Variants in APMAP observed in about 807,000 individuals in gnomAD.
The protein encoded by APMAP is adipocyte plasma membrane-associated protein.
A neutral mutation model predicts 43.6 loss-of-function variants in APMAP; 33 were observed. That is an observed-to-expected ratio of 0.76 (90% CI 0.57 to 1.01). The LOEUF (loss-of-function observed/expected upper bound fraction) is 1.01, where lower values mean the gene tolerates loss of function less well. APMAP is among the 50% of genes least tolerant of loss of function. The pLI is 0.00. For missense variants in APMAP, 498 were observed against 540.7 expected (o/e 0.92, Z 0.78); for synonymous variants, 224 against 216.7 (o/e 1.03, Z -0.30).
At chr20:24,973,797 G>T in intron 3 of APMAP, 60 bp from the exon 4 acceptor site, 3 of 1,461,506 alleles carry the variant, frequency 2.1e-6, no homozygotes, top group Non-Finnish European at 2.9e-6. Context: ...TGACTAAGCC[G>T]CCTTCTCCTA....
rs200600578 is a variant in APMAP, at chr20:24,967,776, CCT to C, written c.1041+1114_1041+1115del. ...AGCTGGTCTGGCAGCCTCCAAAACC[CCT>C]GTGCTAGCCCACCTGCCATTTTGCC... On this transcript the variant is annotated intron_variant, in intron 8 of 8. Coordinates refer to ENST00000217456, the MANE Select transcript of APMAP (RefSeq NM_020531.3). 7.8e-3 allele frequency among the ~76,000 whole-genome samples: 1,185 copies of C among 152,346 alleles called. 6 individuals carry two copies. The highest frequency in any genetic ancestry group is 0.034 in the Middle Eastern group (10 of 294).
chr20:24,972,814 T>C (rs2088017434), intron 4 of APMAP, among the ~76,000 whole-genome samples: 1 of 150,504 alleles, frequency 6.6e-6, no homozygotes, highest in African/African-American at 2.5e-5. Flanking sequence ...CTCCAGGTGC[T>C]ATTGTAGGTG....
chr20:24,978,728 A>G, intron 3 of APMAP, 39 bp downstream of exon 3: 1 of 829,972 alleles, frequency 1.2e-6, no homozygotes, highest in Non-Finnish European at 1.9e-6. Context: ...GACAACAGAC[A>G]GCCTGGAAGG....
intron 4 of APMAP, 81 bp downstream of exon 4, chr20:24,973,564 G>C (rs2088023929): frequency 7.3e-7 from 1 of 1,364,714 alleles, no homozygotes; most frequent in Non-Finnish European, 1.0e-6. Flanking sequence ...AGGCATTCTA[G>C]GGAAAAGCAG....
intron 4 of APMAP, 26 bp from the exon 5 acceptor site, chr20:24,971,602 G>C (rs1235430879): frequency 1.3e-6 from 2 of 1,583,800 alleles, no homozygotes; most frequent in Non-Finnish European, 1.7e-6. Flanking sequence ...GATGGGGATT[G>C]GTAGCTGGTC....
intron 1 of APMAP, among the ~76,000 whole-genome samples, chr20:24,992,007 TG>T (rs1316913595): frequency 6.6e-6 from 1 of 152,222 alleles, no homozygotes; most frequent in Admixed American, 6.5e-5. Flanking sequence ...ATGTCACTAC[TG>T]TTCTCCACTC....
At position 24,968,838 on chromosome 20, in the gene APMAP, T is replaced by A. The variant is rs114128002; in HGVS notation, c.1041+54A>T. 2,293 of 1,510,020 alleles carry A rather than the reference T, an allele frequency of 1.5e-3. 33 individuals carry two copies. In the African/African-American group the frequency reaches 0.029, roughly 19 times the overall value. 93.5% of individuals were successfully genotyped at this position (1,510,020 alleles called of 1,614,324 possible). ...TTTTAAGCTATAAGGGTCAAAAAAA[T>A]ATGATTCAATTCATTTCCATTTTCT... On this transcript the variant is annotated intron_variant, in intron 8 of 8. Transcript: ENST00000217456.
intron 3 of APMAP, among the ~76,000 whole-genome samples, 154 bp from the exon 4 acceptor site, chr20:24,973,891 A>T (rs2088027720): frequency 1.3e-5 from 2 of 152,250 alleles, no homozygotes; most frequent in African/African-American, 4.8e-5. Flanking sequence ...TTCTGGGAAT[A>T]TGAAAAATCC....
intron 7 of APMAP, 34 bp from the exon 8 acceptor site, chr20:24,969,118 AG>A (rs1337973807): frequency 1.3e-6 from 2 of 1,533,428 alleles, no homozygotes; most frequent in African/African-American, 2.8e-5. Context: ...AGTGAACCAT[AG>A]CCCCTCAATT....
chr20:24,989,254 C>A (rs1175055951), intron 1 of APMAP, among the ~76,000 whole-genome samples: 3 of 152,144 alleles, frequency 2.0e-5, no homozygotes, highest in Non-Finnish European at 4.4e-5. Flanking sequence ...AGTTTGTTTG[C>A]CCCAATCTCT....
intron 8 of APMAP, among the ~76,000 whole-genome samples, chr20:24,967,669 C>G (rs2087957695): frequency 6.6e-6 from 1 of 152,274 alleles, no homozygotes; most frequent in African/African-American, 2.4e-5. Flanking sequence ...TTCCCAGCAC[C>G]TGATGAGGCA....
intron 5 of APMAP, among the ~76,000 whole-genome samples, chr20:24,970,948 G>A (rs2122492747): frequency 6.6e-6 from 1 of 152,220 alleles, no homozygotes; most frequent in African/African-American, 2.4e-5. Context: ...CCTATGTTCG[G>A]GCCCCCACGC....
intron 1 of APMAP, among the ~76,000 whole-genome samples, chr20:24,986,462 T>G (rs1470703011): frequency 6.6e-6 from 1 of 152,204 alleles, no homozygotes; most frequent in Non-Finnish European, 1.5e-5. Flanking sequence ...CTCCCAGTCC[T>G]GTCTCCAAAC....
Position 24,982,663 on chromosome 20 carries a change from C to T in APMAP, c.212+1240G>A, listed in dbSNP as rs748703444. Among the ~76,000 whole-genome samples, 67 of 152,210 alleles carry T rather than the reference C, an allele frequency of 4.4e-4. 1 individual carries two copies. Among genetic ancestry groups the T allele is most frequent in the Non-Finnish European group, 8.2e-4 (56 of 68,032 alleles). On this transcript the variant is annotated intron_variant, in intron 2 of 8. Transcript: ENST00000217456. ...AGCCTCCTTTTCCAAGGCCAGCCCC[C>T]CAACCCAAGCTTCTAATCCCCAGCT...
intron 3 of APMAP, among the ~76,000 whole-genome samples, chr20:24,976,497 A>C (rs1371447516): frequency 6.6e-6 from 1 of 152,206 alleles, no homozygotes; most frequent in Non-Finnish European, 1.5e-5. Context: ...AGACACCACT[A>C]TACACCTATT....
chr20:24,978,083 G>T (rs1210620834), intron 3 of APMAP, among the ~76,000 whole-genome samples: 1 of 152,234 alleles, frequency 6.6e-6, no homozygotes, highest in African/African-American at 2.4e-5. Context: ...GTGTGCTTCA[G>T]AATAACAAGC....
In APMAP at chr20:24,968,990, C is replaced by A; in HGVS notation, c.943G>T (p.Gly315Trp). ...PDNIRPSSSG[G>W]YWVGMSTIRP... The stretch of plus-strand genomic sequence containing the variant: ...ATGGTCGACATGCCCACCCAGTACC[C>A]CCCAGAGCTGCTGGGCCGGATGTTG... The change falls in exon 8 of 9, where the codon GGG becomes TGG. Residue 315 changes from glycine (G) to tryptophan (W), a missense_variant. Coordinates refer to ENST00000217456, the MANE Select transcript of APMAP (RefSeq NM_020531.3). 1 of 1,613,952 alleles carries A rather than the reference C, an allele frequency of 6.2e-7. No individual in the cohort carries two copies. The highest frequency in any genetic ancestry group is 2.2e-5 in the East Asian group (1 of 44,848).
chr20:24,971,279 G>A (rs948355330), intron 5 of APMAP, among the ~76,000 whole-genome samples, 181 bp downstream of exon 5: 2 of 152,196 alleles, frequency 1.3e-5, no homozygotes, highest in African/African-American at 4.8e-5. Flanking sequence ...TGGGTAGGGA[G>A]TTTTCTGGTG....
At chr20:24,990,604 T>C (rs1171939904) in intron 1 of APMAP, among the ~76,000 whole-genome samples, 2 of 152,256 alleles carry the variant, frequency 1.3e-5, no homozygotes, top group Non-Finnish European at 2.9e-5. Flanking sequence ...TTTATTCTAA[T>C]AGTTTCGTGT....
Sources: gnomAD v4.1 joint callset for allele counts (sites outside exome capture counted in the v4.1 genomes callset) on GRCh38, gnomAD v4.1.1 for gene constraint, MANE v1.5 for transcripts, NCBI Gene and HGNC (gene_info 2026-07-23, HGNC 2026-07-21) for gene names.